The following ZNF804A variants were observed in gnomAD, a reference collection of about 807,000 sequenced individuals.
ZNF804A encodes zinc finger protein 804A.
ZNF804A carries 2 observed loss-of-function variants against 16.5 expected under a neutral mutation model. The observed-to-expected ratio is 0.12, with a 90% CI of 0.05 to 0.38. The LOEUF (loss-of-function observed/expected upper bound fraction) is 0.38. Among genes scored for constraint, ZNF804A ranks in the 10% least tolerant of loss-of-function variants. The probability of loss-of-function intolerance (pLI) is 0.99; values close to 1 mark genes in which losing one functional copy is unlikely to be tolerated. For missense variants in ZNF804A, 1,473 were observed against 1,390.7 expected (o/e 1.06, Z -0.94); for synonymous variants, 534 against 489.6 (o/e 1.09, Z -1.20).
chr2:184,605,668 A>G (rs1234764730), intron 1 of ZNF804A, among the ~76,000 whole-genome samples: 5 of 152,142 alleles, frequency 3.3e-5, no homozygotes, highest in African/African-American at 1.2e-4. Context: ...TTAAAGAATA[A>G]GGGAGGATGT....
chr2:184,619,118 C>G (rs1424503505), intron 1 of ZNF804A, among the ~76,000 whole-genome samples: 1 of 151,912 alleles, frequency 6.6e-6, no homozygotes, highest in Non-Finnish European at 1.5e-5. Flanking sequence ...CAGCAAGGAG[C>G]CTGTGAGCAG....
chr2:184,812,163 C>T (rs1053634177), intron 1 of ZNF804A, among the ~76,000 whole-genome samples: 5 of 152,160 alleles, frequency 3.3e-5, no homozygotes, highest in African/African-American at 7.2e-5. Context: ...ATATCAGTTA[C>T]CTGGCCCTAC....
intron 1 of ZNF804A, among the ~76,000 whole-genome samples, chr2:184,789,099 A>G (rs1206816122): frequency 6.6e-6 from 1 of 152,024 alleles, no homozygotes; most frequent in Non-Finnish European, 1.5e-5. Flanking sequence ...AGCTGATCAC[A>G]TGGTTTTTGT....
chr2:184,617,256 T>A (rs1192221485), intron 1 of ZNF804A, among the ~76,000 whole-genome samples: 2 of 152,104 alleles, frequency 1.3e-5, no homozygotes, highest in Non-Finnish European at 2.9e-5. Context: ...GAAAATTTAG[T>A]TAACTTGGCC....
intron 1 of ZNF804A, among the ~76,000 whole-genome samples, chr2:184,855,615 T>TATACAC (rs758376443): frequency 2.5e-5 from 3 of 120,658 alleles, no homozygotes; most frequent in African/African-American, 9.3e-5. Flanking sequence ...TATATATATA[T>TATACAC]ACACACACAC....
intron 1 of ZNF804A, among the ~76,000 whole-genome samples, chr2:184,719,971 G>A (rs555578769): frequency 3.9e-5 from 6 of 152,136 alleles, no homozygotes; most frequent in Non-Finnish European, 7.4e-5. Flanking sequence ...TTACACTGCT[G>A]ATAATGTCAT....
intron 1 of ZNF804A, among the ~76,000 whole-genome samples, chr2:184,700,631 C>G (rs1420412339): frequency 6.6e-6 from 1 of 151,976 alleles, no homozygotes; most frequent in African/African-American, 2.4e-5. Context: ...ATGACAAAGA[C>G]AAACTAAAGA....
intron 1 of ZNF804A, among the ~76,000 whole-genome samples, chr2:184,695,065 T>C (rs1286029180): frequency 1.3e-5 from 2 of 152,208 alleles, no homozygotes; most frequent in Non-Finnish European, 2.9e-5. Context: ...TGTTCATGCA[T>C]ACAGACCTAC....
intron 1 of ZNF804A, among the ~76,000 whole-genome samples, chr2:184,659,968 G>A (rs749003446): frequency 2.0e-5 from 3 of 152,112 alleles, no homozygotes; most frequent in Non-Finnish European, 2.9e-5. Context: ...AAAATTAGCC[G>A]GGTGTGGTTT....
At chr2:184,747,678 AT>A (rs200648402) in intron 1 of ZNF804A, among the ~76,000 whole-genome samples, 1,549 of 149,160 alleles carry the variant, frequency 0.01, 31 homozygotes, top group African/African-American at 0.036. Context: ...TTCAATTTTA[AT>A]TTTTTTTTTA....
chr2:184,766,366 A>G (rs1694127168), intron 1 of ZNF804A, among the ~76,000 whole-genome samples: 1 of 152,084 alleles, frequency 6.6e-6, no homozygotes, highest in Non-Finnish European at 1.5e-5. Context: ...ACAATTCTTT[A>G]TTTGTAGAAC....
At chr2:184,601,061 G>A (rs1691035824) in intron 1 of ZNF804A, among the ~76,000 whole-genome samples, 1 of 152,094 alleles carries the variant, frequency 6.6e-6, no homozygotes, top group South Asian at 2.1e-4. Flanking sequence ...AGTCCTTCCA[G>A]ATGATTTTAA....
chr2:184,706,863 A>G (rs2105734394), intron 1 of ZNF804A, among the ~76,000 whole-genome samples: 2 of 152,328 alleles, frequency 1.3e-5, no homozygotes, highest in Admixed American at 1.3e-4. Flanking sequence ...AGCATTTACT[A>G]CTTTCTTCTA....
At chr2:184,820,844 G>T (rs1330807886) in intron 1 of ZNF804A, among the ~76,000 whole-genome samples, 1 of 151,866 alleles carries the variant, frequency 6.6e-6, no homozygotes, top group Non-Finnish European at 1.5e-5. Flanking sequence ...AAATACCTAG[G>T]AATATAGCTA....
At chr2:184,728,360 C>T (rs932358132) in intron 1 of ZNF804A, among the ~76,000 whole-genome samples, 5 of 151,728 alleles carry the variant, frequency 3.3e-5, no homozygotes, top group Non-Finnish European at 5.9e-5. Flanking sequence ...TTGAGCTATG[C>T]CATATTTTGA....
intron 2 of ZNF804A, among the ~76,000 whole-genome samples, chr2:184,878,742 T>A (rs182599915): frequency 3.7e-4 from 57 of 152,200 alleles, no homozygotes; most frequent in African/African-American, 1.3e-3. Flanking sequence ...ATTTTCACAT[T>A]TGTGATGTAT....
intron 1 of ZNF804A, among the ~76,000 whole-genome samples, chr2:184,631,080 G>C (rs1418277685): frequency 6.6e-6 from 1 of 152,058 alleles, no homozygotes; most frequent in African/African-American, 2.4e-5. Flanking sequence ...TCCTTAAATA[G>C]CTCTGGATTA....
intron 1 of ZNF804A, among the ~76,000 whole-genome samples, chr2:184,695,531 A>G (rs532279155): frequency 1.3e-5 from 2 of 148,490 alleles, no homozygotes; most frequent in South Asian, 2.1e-4. Context: ...ACAGGGTCTC[A>G]CTCTGTTTTG....
At chr2:184,781,102 C>T (rs1423992728) in intron 1 of ZNF804A, among the ~76,000 whole-genome samples, 1 of 151,718 alleles carries the variant, frequency 6.6e-6, no homozygotes, top group East Asian at 1.9e-4. Context: ...GCCTTGCTCA[C>T]TGATATTTAA....
Sources: gnomAD v4.1 joint callset for allele counts (sites outside exome capture counted in the v4.1 genomes callset) on GRCh38, gnomAD v4.1.1 for gene constraint, MANE v1.5 for transcripts, NCBI Gene and HGNC (gene_info 2026-07-23, HGNC 2026-07-21) for gene names.